Variants in GALNT15 observed in about 807,000 individuals in gnomAD.
GALNT15 encodes the protein polypeptide N-acetylgalactosaminyltransferase 15.
Under a neutral mutation model 66.8 loss-of-function variants are expected in GALNT15, and 67 were observed. The observed-to-expected ratio is 1.00, with a 90% CI of 0.82 to 1.23. The LOEUF is 1.23. GALNT15 is among the 50% of genes most tolerant of loss of function. The pLI is 0.00. For synonymous variants in GALNT15, 313 were observed against 311.5 expected, an observed-to-expected ratio of 1.00 and a Z score of -0.05; for missense variants, 827 against 804.3, an observed-to-expected ratio of 1.03 and a Z score of -0.34.
At chr3:16,222,866 G>A (rs2063961159) in intron 9 of GALNT15, 108 bp downstream of exon 9, 1 of 1,284,726 alleles carries the variant, frequency 7.8e-7, no homozygotes. Context: ...AGGGACCTCT[G>A]CCTCTGCTTT....
rs920248425 is a variant in GALNT15, at chr3:16,183,519, C to G, written c.539+7829C>G. ...CACTTCCTGAGAACAAGTTCAGTGT[C>G]TTTCTTCCTTCAGTGAACAAATAGC... On this transcript the variant is annotated intron_variant, in intron 1 of 9. Coordinates refer to ENST00000339732, the MANE Select transcript of GALNT15 (RefSeq NM_054110.5). The surrounding 1 kb of genome is among the most constrained non-coding windows in gnomAD (Gnocchi z 5.2). Among the ~76,000 whole-genome samples the G allele has an allele frequency of 6.6e-6, 1 of 152,238 alleles. No homozygotes were observed. Among genetic ancestry groups the G allele is most frequent in the Non-Finnish European group, 1.5e-5 (1 of 68,038 alleles).
chr3:16,221,076 T>C (rs989732924), intron 8 of GALNT15, among the ~76,000 whole-genome samples: 7 of 152,228 alleles, frequency 4.6e-5, no homozygotes, highest in Non-Finnish European at 5.9e-5. Flanking sequence ...TCTCTCATTT[T>C]CTAGCTGTGT....
At chr3:16,234,224 G>A (rs2064112435), downstream of GALNT15, among the ~76,000 whole-genome samples, 2 of 152,308 alleles carry the variant, frequency 1.3e-5, no homozygotes, top group South Asian at 4.1e-4. Context: ...GTGACACTGA[G>A]TGTTCTGGCC....
In GALNT15 at chr3:16,184,156, A is replaced by G. The variant is rs2063496151; in HGVS notation, c.539+8466A>G. ...TCCCGCTGCTCCCACTCAAAGGATGAACAAAGGAGGTCAGGGGTGGGGTTT... is the reference window on the plus strand; with the variant it reads ...TCCCGCTGCTCCCACTCAAAGGATGGACAAAGGAGGTCAGGGGTGGGGTTT... On this transcript the variant is annotated intron_variant, in intron 1 of 9. Transcript: ENST00000339732. This position sits in a 1 kb window ranked among gnomAD's most constrained non-coding sequence, Gnocchi z 5.0. Among the ~76,000 whole-genome samples, 1 of 152,234 alleles carries G rather than the reference A, an allele frequency of 6.6e-6. No homozygotes were observed. Among genetic ancestry groups the G allele is most frequent in the South Asian group, 2.1e-4 (1 of 4,834 alleles).
Position 16,219,770 on chromosome 3 carries a change from C to A in GALNT15, c.1525-140C>A. 1.1e-6 allele frequency: 1 copy of A among 891,050 alleles called. No homozygotes were observed. Among genetic ancestry groups the A allele is most frequent in the Non-Finnish European group, 1.8e-6 (1 of 545,510 alleles). The allele number at this position is 891,050 out of a possible 1,614,324, so 55.2% of individuals were successfully genotyped here. A position where few individuals can be genotyped will look rare whatever the true frequency, so the allele number is the denominator to read the frequency against. ...TGTCCCTTAGGGTCAGTGGCTTCAG[C>A]TTTACCACACCTGTTGTTGTGGCCT... On this transcript the variant is annotated intron_variant, in intron 7 of 9. Coordinates refer to ENST00000339732, the MANE Select transcript of GALNT15 (RefSeq NM_054110.5). The surrounding 1 kb of genome is among the most constrained non-coding windows in gnomAD (Gnocchi z 4.3).
rs2064038694 is a variant in GALNT15, at chr3:16,227,717, T to C, written c.*217T>C. Reference sequence around the variant, plus strand: ...TTTAAAAAAAAAAAAAAAGGATCCATTGTACCGTTGTCTTCATCACTGGGA... The same window carrying C: ...TTTAAAAAAAAAAAAAAAGGATCCACTGTACCGTTGTCTTCATCACTGGGA... On this transcript the variant is annotated 3_prime_UTR_variant, in exon 10 of 10. Coordinates refer to ENST00000339732, the MANE Select transcript of GALNT15 (RefSeq NM_054110.5). The surrounding 1 kb of genome is among the most constrained non-coding windows in gnomAD (Gnocchi z 4.5). The C allele has an allele frequency of 3.2e-5, 45 of 1,387,918 alleles. No homozygotes were observed. The South Asian group carries it at 6.8e-4, about 21-fold the overall frequency. 86.0% of individuals were successfully genotyped at this position (1,387,918 alleles called of 1,614,324 possible).
rs1231979778 is a variant in GALNT15 at position 16,180,478 on chromosome 3, C to A, written c.539+4788C>A. On this transcript the variant is annotated intron_variant, in intron 1 of 9. Coordinates refer to ENST00000339732, the MANE Select transcript of GALNT15 (RefSeq NM_054110.5). The surrounding 1 kb of genome is among the most constrained non-coding windows in gnomAD (Gnocchi z 5.0). Reference sequence around the variant, plus strand: ...CAGTGAGGAGTTACACCACGACTTCCCAAAAGTATGTGCACACCCAACCCC... The same window carrying A: ...CAGTGAGGAGTTACACCACGACTTCACAAAAGTATGTGCACACCCAACCCC... 6.6e-6 allele frequency among the ~76,000 whole-genome samples: 1 copy of A among 152,122 alleles called. No individual in the cohort carries two copies. Among genetic ancestry groups the A allele is most frequent in the South Asian group, 2.1e-4 (1 of 4,822 alleles).
chr3:16,245,757 T>A, the GALNT15 span, among the ~76,000 whole-genome samples: 1 of 152,210 alleles, frequency 6.6e-6, no homozygotes, highest in Admixed American at 6.5e-5. Context: ...TTCTTCCACA[T>A]GGAGGACTGT....
At chr3:16,223,159 G>A (rs186234462) in intron 9 of GALNT15, among the ~76,000 whole-genome samples, 21 of 152,250 alleles carry the variant, frequency 1.4e-4, no homozygotes, top group Non-Finnish European at 2.1e-4. Context: ...AGATACAGAT[G>A]TAGATGTAAA....
chr3:16,236,682 T>C (rs1277280910), downstream of GALNT15, among the ~76,000 whole-genome samples: 2 of 152,240 alleles, frequency 1.3e-5, no homozygotes, highest in African/African-American at 4.8e-5. Flanking sequence ...AAACAGTGTA[T>C]AGCATATGTT....
chr3:16,229,970 G>A lies in GALNT15; in HGVS notation c.*2470G>A, dbSNP rs2064066283. Among the ~76,000 whole-genome samples, 1 of 152,064 alleles carries A rather than the reference G, an allele frequency of 6.6e-6. No individual in the cohort carries two copies. The highest frequency in any genetic ancestry group is 1.5e-5 in the Non-Finnish European group (1 of 68,012). The stretch of plus-strand genomic sequence containing the variant: ...AGTTCTAGAAGGACCTTCTCCTTTA[G>A]TGTAACCAAGTGTTCAAATTCCCTT... On this transcript the variant is annotated 3_prime_UTR_variant, in exon 10 of 10. Coordinates refer to ENST00000339732, the MANE Select transcript of GALNT15 (RefSeq NM_054110.5).
chr3:16,201,393 G>A (rs1559683299), intron 3 of GALNT15, among the ~76,000 whole-genome samples: 2 of 132,156 alleles, frequency 1.5e-5, no homozygotes. Context: ...GTGTTAGCCA[G>A]GATGGTCTCG....
At chr3:16,223,796 G>A (rs938248636) in intron 9 of GALNT15, among the ~76,000 whole-genome samples, 6 of 151,262 alleles carry the variant, frequency 4.0e-5, no homozygotes, top group Admixed American at 1.3e-4. Context: ...AGGTTCAAGC[G>A]ATTCTTGTGC....
chr3:16,178,252 G>C (rs2730353), intron 1 of GALNT15, among the ~76,000 whole-genome samples: 15,871 of 152,154 alleles, frequency 0.1, 1,181 homozygotes, highest in Non-Finnish European at 0.16. Context: ...TGCAAGTGTG[G>C]GTACATTTTG....
downstream of GALNT15, among the ~76,000 whole-genome samples, chr3:16,236,659 C>CA (rs1172221418): frequency 1.3e-5 from 2 of 151,898 alleles, no homozygotes; most frequent in African/African-American, 2.4e-5. Context: ...CAAAAAATAA[C>CA]AAAAAAAGAG....
Position 16,222,683 on chromosome 3 carries a change from G to A in GALNT15, c.1698G>A (p.Arg566=), listed in dbSNP as rs574948106. Residue 566 remains arginine (R), a synonymous_variant, in exon 9 of 10, where the codon AGG becomes AGA. Transcript: ENST00000339732. ...CACAGCACCTGTGCTTTGCTGTCAG[G>A]CAGGAGCAGGTGATTCTTCAGAACT... ...GSPQHLCFAV[R]QEQVILQNCT... The A allele has an allele frequency of 1.2e-5, 20 of 1,614,208 alleles. No individual in the cohort carries two copies. The East Asian group carries it at 3.6e-4, about 29-fold the overall frequency.
chr3:16,177,311 A>G (rs2063420484), intron 1 of GALNT15, among the ~76,000 whole-genome samples: 1 of 152,212 alleles, frequency 6.6e-6, no homozygotes, highest in African/African-American at 2.4e-5. Context: ...TATTGCCTGA[A>G]ACGAGAGGGT....
At chr3:16,199,544 G>A (rs1043637064) in intron 2 of GALNT15, among the ~76,000 whole-genome samples, 1 of 142,306 alleles carries the variant, frequency 7.0e-6, no homozygotes, top group Admixed American at 7.2e-5. Flanking sequence ...TGAAAGCAGG[G>A]CCTGAGATGG....
At chr3:16,231,423 G>A (rs1435288366), downstream of GALNT15, among the ~76,000 whole-genome samples, 1 of 152,178 alleles carries the variant, frequency 6.6e-6, no homozygotes, top group Non-Finnish European at 1.5e-5. This position sits in a 1 kb window ranked among gnomAD's most constrained non-coding sequence, Gnocchi z 4.1. Context: ...CCTAAGCATT[G>A]TTTTAATATT....
Sources: allele counts gnomAD v4.1 joint callset (sites outside exome capture counted in the v4.1 genomes callset), GRCh38; gene constraint gnomAD v4.1.1; non-coding constraint Gnocchi (gnomAD v3.1); transcripts MANE v1.5; gene names NCBI Gene and HGNC (gene_info 2026-07-23, HGNC 2026-07-21).